The following ATAD2B variants were observed in gnomAD, a reference collection of about 807,000 sequenced individuals.
The protein encoded by ATAD2B is ATPase family AAA domain containing 2B, also known as ATPase family AAA domain-containing protein 2B.
ATAD2B carries 40 observed loss-of-function variants against 167.6 expected under a neutral mutation model. The observed-to-expected ratio is 0.24, with a 90% confidence interval of 0.19 to 0.31. The LOEUF is 0.31. Among genes scored for constraint, ATAD2B ranks in the 10% least tolerant of loss-of-function variants. The probability of loss-of-function intolerance (pLI) is 1.00; values close to 1 mark genes in which losing one functional copy is unlikely to be tolerated. For synonymous variants in ATAD2B, 579 were observed against 596.5 expected, an observed-to-expected ratio of 0.97 and a Z score of 0.43; for missense variants, 1,242 against 1,757.2, an observed-to-expected ratio of 0.71 and a Z score of 5.24.
At chr2:23,871,083 T>G (rs183358047) in intron 8 of ATAD2B, among the ~76,000 whole-genome samples, 1 of 150,676 alleles carries the variant, frequency 6.6e-6, no homozygotes, top group African/African-American at 2.4e-5. Context: ...TATATTCAGT[T>G]AGCAGTTCCA....
intron 2 of ATAD2B, among the ~76,000 whole-genome samples, chr2:23,890,714 GAAT>G (rs1334522549): frequency 3.3e-5 from 5 of 152,266 alleles, no homozygotes; most frequent in Middle Eastern, 3.4e-3. Flanking sequence ...TTGTTCAAAA[GAAT>G]AAGATGCAGA....
At chr2:23,680,824 C>G in the ATAD2B span, among the ~76,000 whole-genome samples, 3 of 151,926 alleles carry the variant, frequency 2.0e-5, no homozygotes, top group East Asian at 5.8e-4. The surrounding 1 kb of genome is among the most constrained non-coding windows in gnomAD (Gnocchi z 4.1). Context: ...GGTCTCTAGG[C>G]CATCATCTTC....
intron 2 of ATAD2B, among the ~76,000 whole-genome samples, chr2:23,888,808 T>C (rs1166407205): frequency 6.6e-6 from 1 of 152,222 alleles, no homozygotes; most frequent in Admixed American, 6.5e-5. Context: ...AAAAAAGTGC[T>C]TGAATACCAA....
intron 15 of ATAD2B, chr2:23,827,852 T>C: frequency 6.6e-6 from 1 of 152,656 alleles, no homozygotes; most frequent in East Asian, 1.9e-4. Context: ...GCTTCGGAGA[T>C]GGAGGTCCCT....
chr2:23,819,491 CCA>C (rs1687115766), intron 17 of ATAD2B, among the ~76,000 whole-genome samples: 2 of 137,600 alleles, frequency 1.5e-5, no homozygotes, highest in Non-Finnish European at 1.6e-5. Context: ...ACTCTGCCTC[CCA>C]AAAAAAAAAA....
At chr2:23,730,943 A>T in the ATAD2B span, among the ~76,000 whole-genome samples, 1 of 151,984 alleles carries the variant, frequency 6.6e-6, no homozygotes, top group Non-Finnish European at 1.5e-5. Flanking sequence ...AAAAAAAGAG[A>T]AGATACAAAT....
At chr2:23,799,834 A>T (rs961906358) in intron 18 of ATAD2B, 1 of 152,120 alleles carries the variant, frequency 6.6e-6, no homozygotes, top group Non-Finnish European at 1.5e-5. Flanking sequence ...CATCAAAAGT[A>T]ATATTTGCTC....
At chr2:23,888,806 G>A (rs962199377) in intron 2 of ATAD2B, among the ~76,000 whole-genome samples, 2 of 152,104 alleles carry the variant, frequency 1.3e-5, no homozygotes, top group Non-Finnish European at 2.9e-5. Context: ...AGAAAAAAGT[G>A]CTTGAATACC....
chr2:23,845,086 G>A lies in ATAD2B; in HGVS notation c.1569-11008C>T, dbSNP rs1167299276. Among the ~76,000 whole-genome samples, 5 of 152,124 alleles carry A rather than the reference G, an allele frequency of 3.3e-5. No individual in the cohort carries two copies. The East Asian group carries it at 9.7e-4, about 29-fold the overall frequency. On this transcript the variant is annotated intron_variant, in intron 13 of 27. Coordinates refer to ENST00000238789, the MANE Select transcript of ATAD2B (RefSeq NM_017552.4). ...GAAAGACCAACATCTTTAAAGCACG[G>A]AAAGAAAAAGAAAAAAGTGTCGACT... is the stretch of plus-strand genomic sequence containing the variant.
chr2:23,706,144 T>G, the ATAD2B span, among the ~76,000 whole-genome samples: 2 of 152,208 alleles, frequency 1.3e-5, no homozygotes, highest in African/African-American at 4.8e-5. Context: ...AGGCTGCGTG[T>G]GCCACACAAG....
At chr2:23,761,319 T>C (rs1572647945) in intron 24 of ATAD2B, among the ~76,000 whole-genome samples, 2 of 152,230 alleles carry the variant, frequency 1.3e-5, no homozygotes, top group African/African-American at 4.8e-5. Context: ...CAACATATTA[T>C]AGCTAGCTTT....
chr2:23,710,953 CACTA>C, the ATAD2B span, among the ~76,000 whole-genome samples: 2 of 152,166 alleles, frequency 1.3e-5, no homozygotes, highest in Non-Finnish European at 2.9e-5. Context: ...CATTTACTGA[CACTA>C]ACAACATGCC....
chr2:23,821,555 T>C (rs1203983211), intron 16 of ATAD2B, among the ~76,000 whole-genome samples: 1 of 152,232 alleles, frequency 6.6e-6, no homozygotes, highest in Non-Finnish European at 1.5e-5. Context: ...CTGAAAAATA[T>C]ATTTATGACA....
chr2:23,762,693 T>C (rs944235363), intron 23 of ATAD2B, among the ~76,000 whole-genome samples: 68 of 152,230 alleles, frequency 4.5e-4, no homozygotes, highest in Admixed American at 3.5e-3. Flanking sequence ...CATCTTAGAA[T>C]GTACAACAGT....
At chr2:23,696,039 G>A in the ATAD2B span, 40 of 1,551,752 alleles carry the variant, frequency 2.6e-5, no homozygotes, top group East Asian at 1.2e-4. This position sits in a 1 kb window ranked among gnomAD's most constrained non-coding sequence, Gnocchi z 5.5. Flanking sequence ...GCTGGAACCC[G>A]CAGAACAACA....
chr2:23,884,618 G>A (rs1358343718), intron 6 of ATAD2B, 147 bp downstream of exon 6: 1 of 437,264 alleles, frequency 2.3e-6, no homozygotes, highest in Non-Finnish European at 4.0e-6. Context: ...ATTGCCAACT[G>A]AATTTAAATT....
At chr2:23,882,556 C>T in intron 6 of ATAD2B, among the ~76,000 whole-genome samples, 1 of 149,738 alleles carries the variant, frequency 6.7e-6, no homozygotes, top group Non-Finnish European at 1.5e-5. Flanking sequence ...TGCCTATAAT[C>T]CCAGCACTTT....
chr2:23,922,163 T>C (rs1704029929), intron 1 of ATAD2B, among the ~76,000 whole-genome samples: 1 of 152,048 alleles, frequency 6.6e-6, no homozygotes, highest in African/African-American at 2.4e-5. Context: ...CCTAAAAAGC[T>C]AGTGAAAAAG....
intron 22 of ATAD2B, among the ~76,000 whole-genome samples, chr2:23,767,368 A>G (rs867250640): frequency 6.6e-6 from 1 of 152,096 alleles, no homozygotes; most frequent in South Asian, 2.1e-4. Flanking sequence ...AGGGATAATA[A>G]ACCCTTCCCC....
Sources: gnomAD v4.1 joint callset for allele counts (sites outside exome capture counted in the v4.1 genomes callset) on GRCh38, gnomAD v4.1.1 for gene constraint, Gnocchi (gnomAD v3.1) non-coding constraint, MANE v1.5 for transcripts, NCBI Gene and HGNC (gene_info 2026-07-23, HGNC 2026-07-21) for gene names.